PRKD2: variants seen among roughly 807,000 people sequenced by gnomAD.
The protein encoded by PRKD2 is serine/threonine-protein kinase D2.
A neutral mutation model predicts 86.0 loss-of-function variants in PRKD2; 22 were observed. The ratio of observed to expected loss-of-function variants is 0.26; its 90% CI spans 0.18 to 0.37. The LOEUF (loss-of-function observed/expected upper bound fraction) is 0.37, where lower values mean the gene tolerates loss of function less well. Among genes scored for constraint, PRKD2 ranks in the 10% least tolerant of loss-of-function variants. The pLI is 1.00. For missense variants in PRKD2, 818 were observed against 1,199.2 expected (o/e 0.68, Z 4.70); for synonymous variants, 509 against 510.9 (o/e 1.00, Z 0.05).
At position 46,704,247 on chromosome 19, in the gene PRKD2, T is replaced by C; in HGVS notation, c.811A>G (p.Ser271Gly). 1 of 1,614,126 alleles carries C rather than the reference T, an allele frequency of 6.2e-7. No individual in the cohort carries two copies. The highest frequency in any genetic ancestry group is 2.2e-5 in the East Asian group (1 of 44,880). ...TGGCAAACGGTGGGCCGTGTATAGC[T>C]GTGGATGAGGAAGGTGTGCGGCACC... Reference protein sequence around the residue: ...VKVPHTFLIHSYTRPTVCQAC... With the variant: ...VKVPHTFLIHGYTRPTVCQAC... The change falls in exon 5 of 18, where the codon AGC becomes GGC. Residue 271 changes from serine to glycine, a missense_variant. Coordinates refer to ENST00000291281, the MANE Select transcript of PRKD2 (RefSeq NM_016457.5).
intron 15 of PRKD2, among the ~76,000 whole-genome samples, chr19:46,681,097 G>A (rs1342925837): frequency 1.3e-5 from 2 of 149,988 alleles, no homozygotes; most frequent in Admixed American, 1.3e-4. Flanking sequence ...GGGACTACAG[G>A]CGCACACCAC....
chr19:46,679,992 G>A (rs1157686071), intron 15 of PRKD2, among the ~76,000 whole-genome samples: 1 of 152,124 alleles, frequency 6.6e-6, no homozygotes, highest in African/African-American at 2.4e-5. Flanking sequence ...CAAGACCTGG[G>A]TTCAAGGTCT....
rs769738094 is a variant in PRKD2, at chr19:46,704,161, CA to C, written c.889+7del. 18 of 1,613,490 alleles carry C rather than the reference CA, an allele frequency of 1.1e-5. No homozygotes were observed. Among genetic ancestry groups the C allele is most frequent in the Non-Finnish European group, 1.5e-5 (18 of 1,179,914 alleles). Reference sequence around the variant, plus strand: ...CCCTGTCTGTCCTCCCCGACAGGCCCAGCTAACCTTTGCATTGCAGGCCCTG... The same window carrying C: ...CCCTGTCTGTCCTCCCCGACAGGCCCGCTAACCTTTGCATTGCAGGCCCTG... On this transcript the variant is annotated splice_region_variant and intron_variant, in intron 5 of 17. Transcript: ENST00000291281.
Position 46,675,062 on chromosome 19 carries a change from C to A in PRKD2, c.2395G>T (p.Asp799Tyr). The change falls in exon 17 of 18, where the codon GAC becomes TAC. Residue 799 changes from aspartate to tyrosine, a missense_variant. Coordinates refer to ENST00000291281, the MANE Select transcript of PRKD2 (RefSeq NM_016457.5). Reference protein sequence around the residue: ...QVKMRKRYSVDKSLSHPWLQE... With the variant: ...QVKMRKRYSVYKSLSHPWLQE... ...AACCAGGGGTGGCTGAGAGATTTGT[C>A]CACGCTGTAGCGTTTGCGCATCTTC... The A allele has an allele frequency of 6.2e-7, 1 of 1,610,758 alleles. No homozygotes were observed. Among genetic ancestry groups the A allele is most frequent in the South Asian group, 1.1e-5 (1 of 90,172 alleles).
intron 14 of PRKD2, among the ~76,000 whole-genome samples, chr19:46,682,293 A>T (rs144300263): frequency 0.022 from 3,330 of 152,214 alleles, 111 homozygotes; most frequent in African/African-American, 0.076. Flanking sequence ...GGCGTGAGCC[A>T]CCGGGCCCAG....
At chr19:46,683,003 AT>A (rs369794536) in intron 14 of PRKD2, among the ~76,000 whole-genome samples, 9 of 145,342 alleles carry the variant, frequency 6.2e-5, no homozygotes, top group Admixed American at 6.9e-5. Context: ...CACCTCACCC[AT>A]TTTTTTTTTG....
intron 3 of PRKD2, chr19:46,709,491 GTAGC>G: frequency 6.6e-6 from 1 of 152,358 alleles, no homozygotes; most frequent in East Asian, 1.9e-4. Flanking sequence ...AGCCTCCCGA[GTAGC>G]TGGAATTACA....
At chr19:46,710,781 T>C in intron 3 of PRKD2, 126 bp downstream of exon 3, 1 of 1,083,554 alleles carries the variant, frequency 9.2e-7, no homozygotes, top group Non-Finnish European at 1.3e-6. Flanking sequence ...TATTACTTCC[T>C]AGGCTGCGCC....
Position 46,675,090 on chromosome 19 carries a change from C to T in PRKD2, c.2367G>A (p.Gln789=), listed in dbSNP as rs1414277384. Residue 789 remains glutamine, a synonymous_variant, in exon 17 of 18, where the codon CAG becomes CAA. Transcript: ENST00000291281. Reference sequence around the variant, plus strand: ...CGCTGTAGCGTTTGCGCATCTTCACCTGCAGCAGGTTGTTGATGAGGTCAA... The same window carrying T: ...CGCTGTAGCGTTTGCGCATCTTCACTTGCAGCAGGTTGTTGATGAGGTCAA... The part of the protein sequence containing the change: ...GAIDLINNLL[Q]VKMRKRYSVD... 1 of 1,611,620 alleles carries T rather than the reference C, an allele frequency of 6.2e-7. No individual in the cohort carries two copies. The highest frequency in any genetic ancestry group is 8.5e-7 in the Non-Finnish European group (1 of 1,178,824).
At chr19:46,711,434 C>T (rs1464842830) in intron 2 of PRKD2, among the ~76,000 whole-genome samples, 1 of 152,164 alleles carries the variant, frequency 6.6e-6, no homozygotes, top group Non-Finnish European at 1.5e-5. Context: ...CACTCTGTCA[C>T]CCAGGCTGGA....
At chr19:46,690,054 C>T (rs1176524762) in intron 13 of PRKD2, among the ~76,000 whole-genome samples, 1 of 152,156 alleles carries the variant, frequency 6.6e-6, no homozygotes, top group Admixed American at 6.5e-5. Context: ...AGGATCTTTA[C>T]ATCCTGAAAT....
chr19:46,689,283 G>A (rs973244307), intron 14 of PRKD2, among the ~76,000 whole-genome samples: 16 of 151,956 alleles, frequency 1.1e-4, no homozygotes, highest in Middle Eastern at 3.4e-3. Flanking sequence ...CACCATGCCC[G>A]GCTAATTTTT....
intron 15 of PRKD2, among the ~76,000 whole-genome samples, chr19:46,680,490 T>C (rs938196041): frequency 5.9e-5 from 9 of 151,988 alleles, no homozygotes; most frequent in Middle Eastern, 6.8e-3. Context: ...GGTTTCGCCA[T>C]GTTAGCCAGA....
chr19:46,704,965 C>T (rs992580829), intron 3 of PRKD2, among the ~76,000 whole-genome samples: 4 of 151,672 alleles, frequency 2.6e-5, no homozygotes, highest in Non-Finnish European at 5.9e-5. Flanking sequence ...AAGCTCTGTC[C>T]CCAGTTTCAG....
intron 16 of PRKD2, among the ~76,000 whole-genome samples, chr19:46,676,286 G>A (rs911794270): frequency 1.3e-5 from 2 of 152,006 alleles, no homozygotes; most frequent in African/African-American, 2.4e-5. Context: ...AAATTAGCTG[G>A]GCATGGTAGC....
At chr19:46,698,503 G>A (rs1371998119) in intron 7 of PRKD2, among the ~76,000 whole-genome samples, 1 of 152,224 alleles carries the variant, frequency 6.6e-6, no homozygotes, top group East Asian at 1.9e-4. Context: ...GCTTAGTACA[G>A]TGCCTGGCAT....
chr19:46,682,762 G>A (rs1173741642), intron 14 of PRKD2, among the ~76,000 whole-genome samples: 1 of 145,600 alleles, frequency 6.9e-6, no homozygotes, highest in Non-Finnish European at 1.5e-5. Flanking sequence ...CCAGAGCACA[G>A]AGGCGGGATC....
At chr19:46,680,709 G>A (rs1176831206) in intron 15 of PRKD2, among the ~76,000 whole-genome samples, 1 of 151,242 alleles carries the variant, frequency 6.6e-6, no homozygotes, top group East Asian at 1.9e-4. Flanking sequence ...ATTGAGTTTT[G>A]TTTCTTTTTT....
Position 46,697,164 on chromosome 19 carries a change from T to C in PRKD2, c.1310A>G (p.Tyr437Cys), listed in dbSNP as rs759956923. Residue 437 changes from tyrosine (Y) to cysteine (C), a missense_variant, in exon 9 of 18, where the codon TAC (tyrosine) becomes TGC (cysteine). By Grantham distance (194) the Tyr-to-Cys change is radical. This residue lies in a region of PRKD2 where 127 missense variants were observed against 157.8 expected (regional missense o/e 0.80). Coordinates refer to ENST00000291281, the MANE Select transcript of PRKD2 (RefSeq NM_016457.5). Reference sequence around the variant, plus strand: ...GAAAGCCCGGAGGCTTACCTTATAGTATCTGTTGGTCGTGTTGTTCTGGAA... The same window carrying C: ...GAAAGCCCGGAGGCTTACCTTATAGCATCTGTTGGTCGTGTTGTTCTGGAA... Reference protein sequence around the residue: ...TLFQNNTTNRYYKEIPLSEIL... With the variant: ...TLFQNNTTNRCYKEIPLSEIL... The C allele has an allele frequency of 3.2e-6, 5 of 1,579,794 alleles. No homozygotes were observed. The highest frequency in any genetic ancestry group is 2.2e-5 in the South Asian group (2 of 90,358).
Sources: gnomAD v4.1 joint callset for allele counts (sites outside exome capture counted in the v4.1 genomes callset) on GRCh38, gnomAD v4.1.1 for gene constraint, gnomAD v4.1.1 regional missense constraint, MANE v1.5 for transcripts, NCBI Gene and HGNC (gene_info 2026-07-23, HGNC 2026-07-21) for gene names.